Variants in RBM15 observed in about 807,000 individuals in gnomAD.
RBM15 encodes RNA binding motif protein 15, also known as RNA-binding protein 15.
RBM15 carries 8 observed loss-of-function variants against 62.6 expected under a neutral mutation model. The observed-to-expected ratio is 0.13, with a 90% CI of 0.07 to 0.23. The LOEUF (loss-of-function observed/expected upper bound fraction) is 0.23. Among genes scored for constraint, RBM15 ranks in the 10% least tolerant of loss-of-function variants. The probability of loss-of-function intolerance (pLI) is 1.00; values close to 1 mark genes in which losing one functional copy is unlikely to be tolerated. For synonymous variants in RBM15, 606 were observed against 505.7 expected, an observed-to-expected ratio of 1.20 and a Z score of -2.66; for missense variants, 1,144 against 1,286.5, an observed-to-expected ratio of 0.89 and a Z score of 1.69.
chr1:110,342,776 G>A (rs1054167160), intron 1 of RBM15: 1 of 153,318 alleles, frequency 6.5e-6, no homozygotes, highest in African/African-American at 2.4e-5. Context: ...AGATATGCTG[G>A]TAAATTGTAT....
Position 110,341,323 on chromosome 1 carries a change from A to G in RBM15, c.1918A>G (p.Arg640Gly), listed in dbSNP as rs753970878. ...RDLPSSRDQP[R>G]KRRLPEESGG... ...TCTGCCCAGCAGCAGAGACCAGCCTAGGAAGCGAAGGCTGCCTGAGGAGAG... is the reference window on the plus strand; with the variant it reads ...TCTGCCCAGCAGCAGAGACCAGCCTGGGAAGCGAAGGCTGCCTGAGGAGAG... Residue 640 changes from arginine to glycine, a missense_variant, in exon 1 of 3, where the codon AGG (arginine) becomes GGG (glycine). This residue lies in a region of RBM15 where 360 missense variants were observed against 342.9 expected (regional missense o/e 1.05). Coordinates refer to ENST00000369784, the MANE Select transcript of RBM15 (RefSeq NM_022768.5). This position sits in a 1 kb window ranked among gnomAD's most constrained non-coding sequence, Gnocchi z 4.5. 6.2e-7 allele frequency: 1 copy of G among 1,614,012 alleles called. No homozygotes were observed. Among genetic ancestry groups the G allele is most frequent in the African/African-American group, 1.3e-5 (1 of 74,914 alleles).
rs1660811344 is a variant in RBM15, at chr1:110,342,099, G to A, written c.2694G>A (p.Lys898=). 1 of 1,613,994 alleles carries A rather than the reference G, an allele frequency of 6.2e-7. No homozygotes were observed. Among genetic ancestry groups the A allele is most frequent in the Admixed American group, 1.7e-5 (1 of 60,008 alleles). ...ACCTTGTGTCCTATTTAAAGCAAAA[G>A]CAGGCAGCCGGGGTGATCAGCCTCC... The part of the protein sequence containing the change: ...LRNLVSYLKQ[K]QAAGVISLPV... The change falls in exon 1 of 3, where the codon AAG becomes AAA. Residue 898 remains lysine, a synonymous_variant. Coordinates refer to ENST00000369784, the MANE Select transcript of RBM15 (RefSeq NM_022768.5).
intron 1 of RBM15, among the ~76,000 whole-genome samples, chr1:110,343,674 A>T (rs972237709): frequency 6.6e-6 from 1 of 152,002 alleles, no homozygotes; most frequent in Non-Finnish European, 1.5e-5. Flanking sequence ...CCCTTGATTT[A>T]AGTGCTGAAG....
chr1:110,342,567 G>A (rs1368712679), intron 1 of RBM15: 5 of 348,190 alleles, frequency 1.4e-5, no homozygotes, highest in Non-Finnish European at 2.5e-5. Flanking sequence ...TCTCTATTCA[G>A]TTGTTTTTTT....
Position 110,339,527 on chromosome 1 carries a change from G to A in RBM15, c.122G>A (p.Arg41Gln). ...CAGCTCCGCGGAGACGACCTCCGAC[G>A]ACCCGCAACAATGAAGGGAAAAGAG... is the stretch of plus-strand genomic sequence containing the variant. ...VTQLRGDDLR[R>Q]PATMKGKERS... Residue 41 changes from arginine (R) to glutamine (Q), a missense_variant, in exon 1 of 3, where the codon CGA becomes CAA. Arg to Gln is a conservative substitution (Grantham distance 43). Transcript: ENST00000369784. The A allele has an allele frequency of 6.2e-7, 1 of 1,601,656 alleles. No individual in the cohort carries two copies.
chr1:110,346,173 T>C, intron 2 of RBM15, 135 bp from the exon 3 acceptor site: 2 of 803,662 alleles, frequency 2.5e-6, no homozygotes, highest in Non-Finnish European at 4.0e-6. Context: ...ATTGGTGCTT[T>C]TTGAAGTTGA....
intron 1 of RBM15, among the ~76,000 whole-genome samples, chr1:110,344,809 C>T (rs1426559902): frequency 1.3e-5 from 2 of 152,098 alleles, no homozygotes; most frequent in African/African-American, 2.4e-5. Context: ...TTTTTTCTAT[C>T]TTTCTTCTTT....
At position 110,340,207 on chromosome 1, in the gene RBM15, C is replaced by T; in HGVS notation, c.802C>T (p.Pro268Ser). 1.2e-6 allele frequency: 2 copies of T among 1,614,168 alleles called. No individual in the cohort carries two copies. The highest frequency in any genetic ancestry group is 1.1e-5 in the South Asian group (1 of 91,084). Residue 268 changes from proline to serine, a missense_variant, in exon 1 of 3, where the codon CCA becomes TCA. By Grantham distance (74) the Pro-to-Ser change is moderately conservative. This residue lies in a region of RBM15 where 188 missense variants were observed against 185.6 expected (regional missense o/e 1.01). Coordinates refer to ENST00000369784, the MANE Select transcript of RBM15 (RefSeq NM_022768.5). The surrounding 1 kb of genome is among the most constrained non-coding windows in gnomAD (Gnocchi z 5.8). ...RSPLDKDTYP[P>S]SASVVGASVG... The stretch of plus-strand genomic sequence containing the variant: ...CCCTTTAGACAAAGATACTTATCCT[C>T]CATCAGCCAGTGTGGTCGGGGCCTC...
intron 1 of RBM15, chr1:110,342,632 T>G (rs990674946): frequency 8.7e-6 from 2 of 230,310 alleles, no homozygotes; most frequent in Non-Finnish European, 8.3e-6. Flanking sequence ...TTTTGAAAAG[T>G]CAGAATTTGG....
intron 2 of RBM15, 102 bp from the exon 3 acceptor site, chr1:110,346,206 T>C: frequency 8.2e-7 from 1 of 1,219,646 alleles, no homozygotes; most frequent in Non-Finnish European, 1.2e-6. Flanking sequence ...AGGAAGGTCT[T>C]GTTAATGTTA....
intron 1 of RBM15, 51 bp from the exon 2 acceptor site, chr1:110,345,488 A>G: frequency 7.4e-7 from 1 of 1,355,116 alleles, no homozygotes; most frequent in East Asian, 2.3e-5. Flanking sequence ...TTTATGTGAA[A>G]AAAATTTTGG....
chr1:110,343,935 T>A (rs1452768507), intron 1 of RBM15, among the ~76,000 whole-genome samples: 2 of 152,248 alleles, frequency 1.3e-5, no homozygotes, highest in Non-Finnish European at 2.9e-5. Context: ...ATCACTGCTG[T>A]GTCATCCCTC....
Position 110,346,046 on chromosome 1 carries a change from T to C in RBM15, c.*41-262T>C, listed in dbSNP as rs188792872. Reference sequence around the variant, plus strand: ...TTACTCAGTTACATGAGTTAAAGGATATTTTCAGTCCTGTTATCTTCAATT... The same window carrying C: ...TTACTCAGTTACATGAGTTAAAGGACATTTTCAGTCCTGTTATCTTCAATT... On this transcript the variant is annotated intron_variant, in intron 2 of 2. Coordinates refer to ENST00000369784, the MANE Select transcript of RBM15 (RefSeq NM_022768.5). 1.2e-3 allele frequency among the ~76,000 whole-genome samples: 178 copies of C among 152,336 alleles called. 2 individuals are homozygous for C. The highest frequency in any genetic ancestry group is 2.2e-3 in the Non-Finnish European group (150 of 68,026).
Position 110,341,054 on chromosome 1 carries a change from C to T in RBM15, c.1649C>T (p.Thr550Ile). Residue 550 changes from threonine to isoleucine, a missense_variant, in exon 1 of 3, where the codon ACA (threonine) becomes ATA (isoleucine). Physicochemically the swap from Thr to Ile is moderately conservative, Grantham distance 89. This residue lies in a region of RBM15 where 360 missense variants were observed against 342.9 expected (regional missense o/e 1.05). Coordinates refer to ENST00000369784, the MANE Select transcript of RBM15 (RefSeq NM_022768.5). This position sits in a 1 kb window ranked among gnomAD's most constrained non-coding sequence, Gnocchi z 4.5. ...CCCTTGACTCATTATGAGCTGGTGACAGATGCTTTTGGACATCGGGCACCA... is the reference window on the plus strand; with the variant it reads ...CCCTTGACTCATTATGAGCTGGTGATAGATGCTTTTGGACATCGGGCACCA... ...PLPLTHYELV[T>I]DAFGHRAPDP... 1 of 1,614,160 alleles carries T rather than the reference C, an allele frequency of 6.2e-7. No individual in the cohort carries two copies. Among genetic ancestry groups the T allele is most frequent in the Non-Finnish European group, 8.5e-7 (1 of 1,180,042 alleles).
At position 110,340,076 on chromosome 1, in the gene RBM15, G is replaced by A; in HGVS notation, c.671G>A (p.Arg224Gln). The A allele has an allele frequency of 6.2e-7, 1 of 1,613,958 alleles. No homozygotes were observed. Among genetic ancestry groups the A allele is most frequent in the Non-Finnish European group, 8.5e-7 (1 of 1,180,018 alleles). Residue 224 changes from arginine (R) to glutamine (Q), a missense_variant, in exon 1 of 3, where the codon CGG (arginine) becomes CAG (glutamine). Transcript: ENST00000369784. The surrounding 1 kb of genome is among the most constrained non-coding windows in gnomAD (Gnocchi z 5.8). The part of the protein sequence containing the change: ...DERVAFVNFR[R>Q]PEDARAAKHA... ...CGGGTAGCCTTTGTGAACTTCCGGC[G>A]GCCAGAGGACGCGCGGGCGGCCAAG...
intron 1 of RBM15, among the ~76,000 whole-genome samples, chr1:110,343,215 A>G (rs762751509): frequency 2.0e-5 from 3 of 152,200 alleles, no homozygotes; most frequent in African/African-American, 4.8e-5. Flanking sequence ...GCTCATAGTC[A>G]TCTTTTATTT....
intron 2 of RBM15, 49 bp downstream of exon 2, chr1:110,345,698 T>A: frequency 7.9e-6 from 9 of 1,137,780 alleles, no homozygotes; most frequent in Non-Finnish European, 1.1e-5. Context: ...ATATGTATGG[T>A]TTAAACAGAG....
Position 110,339,889 on chromosome 1 carries a change from G to C in RBM15, c.484G>C (p.Gly162Arg). Residue 162 changes from glycine to arginine, a missense_variant, in exon 1 of 3, where the codon GGC becomes CGC. By Grantham distance (125) the Gly-to-Arg change is moderately radical. This residue lies in a region of RBM15 where 298 missense variants were observed against 250.0 expected (regional missense o/e 1.19). Transcript: ENST00000369784. ...CTCTGGGGCCGCCTCCTCAGCTCCC[G>C]GCGGCGGGGACGGCGCGGAATACAA... is the stretch of plus-strand genomic sequence containing the variant. The part of the protein sequence containing the change: ...RSSGAASSAP[G>R]GGDGAEYKTL... The C allele has an allele frequency of 6.2e-7, 1 of 1,604,386 alleles. No individual in the cohort carries two copies. Among genetic ancestry groups the C allele is most frequent in the Non-Finnish European group, 8.5e-7 (1 of 1,172,126 alleles).
Position 110,341,888 on chromosome 1 carries a change from A to C in RBM15, c.2483A>C (p.Gln828Pro), listed in dbSNP as rs1241089092. The change falls in exon 1 of 3, where the codon CAG becomes CCG. Residue 828 changes from glutamine to proline, a missense_variant. Gln to Pro is a moderately conservative substitution (Grantham distance 76, BLOSUM62 -1). Around this residue, in one of 8 missense-constraint regions of RBM15, gnomAD observed 144 missense variants for 223.3 expected, o/e 0.64. Transcript: ENST00000369784. The surrounding 1 kb of genome is among the most constrained non-coding windows in gnomAD (Gnocchi z 4.5). ...GGTTCAACTGGAGGCAAAGTGGCCC[A>C]GCTCAAGATCACTCAGCGTCTCCGT... The part of the protein sequence containing the change: ...VEGSTGGKVA[Q>P]LKITQRLRLD... 1 of 1,614,226 alleles carries C rather than the reference A, an allele frequency of 6.2e-7. No individual in the cohort carries two copies. The highest frequency in any genetic ancestry group is 8.5e-7 in the Non-Finnish European group (1 of 1,180,042).
Sources: gnomAD v4.1 joint callset for allele counts (sites outside exome capture counted in the v4.1 genomes callset) on GRCh38, gnomAD v4.1.1 for gene constraint, gnomAD v4.1.1 regional missense constraint, Gnocchi (gnomAD v3.1) non-coding constraint, MANE v1.5 for transcripts, NCBI Gene and HGNC (gene_info 2026-07-23, HGNC 2026-07-21) for gene names.